GCLM: variants seen among roughly 807,000 people sequenced by gnomAD.
GCLM encodes glutamate--cysteine ligase regulatory subunit.
GCLM carries 15 observed loss-of-function variants against 36.0 expected under a neutral mutation model. The observed-to-expected ratio is 0.42, with a 90% CI of 0.28 to 0.64. The LOEUF is 0.64. GCLM is among the 30% of genes least tolerant of loss of function. The pLI is 0.25. For synonymous variants in GCLM, 129 were observed against 122.8 expected (o/e 1.05, Z -0.34); for missense variants, 242 against 325.5 (o/e 0.74, Z 1.97).
chr1:93,901,814 C>G, intron 2 of GCLM, 145 bp from the exon 3 acceptor site: 1 of 562,038 alleles, frequency 1.8e-6, no homozygotes, highest in Non-Finnish European at 3.1e-6. Context: ...GTGGGCTTCA[C>G]AAGGGTTGTA....
intron 6 of GCLM, among the ~76,000 whole-genome samples, chr1:93,894,131 G>A (rs1314947416): frequency 6.6e-6 from 1 of 151,834 alleles, no homozygotes. Context: ...GGTGGTATGC[G>A]CCTGTAGTCC....
intron 6 of GCLM, among the ~76,000 whole-genome samples, chr1:93,890,083 A>G (rs190665124): frequency 2.0e-5 from 3 of 151,680 alleles, no homozygotes; most frequent in Admixed American, 1.3e-4. Context: ...GGCTAATTTT[A>G]TATTTTAGTA....
chr1:93,885,279 T>G lies in GCLM; in HGVS notation c.*3711A>C, dbSNP rs1656265584. 1 of 152,198 alleles carries G rather than the reference T, an allele frequency of 6.6e-6. No individual in the cohort carries two copies. The highest frequency in any genetic ancestry group is 2.4e-5 in the African/African-American group (1 of 41,440). 9.4% of individuals were successfully genotyped at this position (152,198 alleles called of 1,614,324 possible). On this transcript the variant is annotated 3_prime_UTR_variant, in exon 7 of 7. Coordinates refer to ENST00000370238, the MANE Select transcript of GCLM (RefSeq NM_002061.4). ...AATAGTTCAAAAATCAATATAATGC[T>G]TCAGGATGCTTCCAGCTATTGAAAC...
At chr1:93,902,865 GT>G (rs17880826) in intron 2 of GCLM, among the ~76,000 whole-genome samples, 116,635 of 151,982 alleles carry the variant, frequency 0.77, 45,271 homozygotes, top group African/African-American at 0.87. Context: ...CTTTTTACTA[GT>G]TTTTTTTACT....
At chr1:93,902,749 A>G (rs1325973453) in intron 2 of GCLM, among the ~76,000 whole-genome samples, 1 of 152,192 alleles carries the variant, frequency 6.6e-6, no homozygotes, top group East Asian at 1.9e-4. Context: ...ATATAATAAC[A>G]TGTATCCACC....
intron 1 of GCLM, among the ~76,000 whole-genome samples, chr1:93,905,409 T>C (rs1293518585): frequency 1.3e-5 from 2 of 152,160 alleles, no homozygotes; most frequent in Admixed American, 6.5e-5. Context: ...CTAGACCCAC[T>C]GAATCATTCT....
rs1656755676 is a variant in GCLM, at chr1:93,896,912, C to T, written c.338-92G>A. 4.2e-6 allele frequency: 3 copies of T among 715,422 alleles called. No homozygotes were observed. In the South Asian group the frequency reaches 4.9e-5, roughly 12 times the overall value. 44.3% of individuals were successfully genotyped at this position (715,422 alleles called of 1,614,324 possible). Reference sequence around the variant, plus strand: ...TCAAAGTATCCCACTGAATTCTGTCCATATTCTTCACTTGTTTTCAAAATA... The same window carrying T: ...TCAAAGTATCCCACTGAATTCTGTCTATATTCTTCACTTGTTTTCAAAATA... On this transcript the variant is annotated intron_variant, in intron 4 of 6. Transcript: ENST00000370238.
chr1:93,890,126 T>G (rs1415555045), intron 6 of GCLM, among the ~76,000 whole-genome samples: 1 of 151,968 alleles, frequency 6.6e-6, no homozygotes, highest in Non-Finnish European at 1.5e-5. Context: ...GTCAGGCTGG[T>G]CTCGAACTCC....
At chr1:93,894,788 AAAGCAAT>A in intron 5 of GCLM, 60 bp from the exon 6 acceptor site, 4 of 799,482 alleles carry the variant, frequency 5.0e-6, no homozygotes, top group Non-Finnish European at 6.6e-6. Flanking sequence ...CCAAAAGTAG[AAAGCAAT>A]AAGCAATAAA....
intron 1 of GCLM, among the ~76,000 whole-genome samples, chr1:93,907,453 C>T (rs1279116761): frequency 6.6e-6 from 1 of 152,132 alleles, no homozygotes; most frequent in East Asian, 1.9e-4. Flanking sequence ...TTTGTGAAAC[C>T]TGTTTCAGAT....
chr1:93,889,644 T>C (rs1656461638), intron 6 of GCLM, among the ~76,000 whole-genome samples: 1 of 151,688 alleles, frequency 6.6e-6, no homozygotes, highest in Non-Finnish European at 1.5e-5. Flanking sequence ...TATATCTGTA[T>C]GTGTGTGTGT....
chr1:93,897,534 G>A (rs900392604), intron 4 of GCLM, among the ~76,000 whole-genome samples: 1 of 147,908 alleles, frequency 6.8e-6, no homozygotes, highest in South Asian at 2.1e-4. Context: ...TTTTTTTGCC[G>A]TTGTTTGGTT....
At chr1:93,893,705 T>C (rs1254229933) in intron 6 of GCLM, among the ~76,000 whole-genome samples, 8 of 152,234 alleles carry the variant, frequency 5.3e-5, no homozygotes, top group Admixed American at 4.6e-4. Flanking sequence ...TATACATTAC[T>C]TAATAATATA....
At chr1:93,889,411 C>T (rs1160163465) in intron 6 of GCLM, among the ~76,000 whole-genome samples, 2 of 152,024 alleles carry the variant, frequency 1.3e-5, no homozygotes, top group African/African-American at 2.4e-5. Context: ...GGAGCCTAGA[C>T]ATCTGCAGTT....
At position 93,896,631 on chromosome 1, in the gene GCLM, T is replaced by C. The variant is rs2100913925; in HGVS notation, c.527A>G (p.Tyr176Cys). 6.2e-7 allele frequency: 1 copy of C among 1,613,082 alleles called. No homozygotes were observed. Among genetic ancestry groups the C allele is most frequent in the Non-Finnish European group, 8.5e-7 (1 of 1,178,994 alleles). ...GCCATCCCTCACCTGTGCCCACTGA[T>C]ACAGCTGTTCCAACTGTGTTTTGTC... The part of the protein sequence containing the change: ...DLDKTQLEQL[Y>C]QWAQVKPNSN... Residue 176 changes from tyrosine (Y) to cysteine (C), a missense_variant, in exon 5 of 7, where the codon TAT becomes TGT. Physicochemically the swap from Tyr to Cys is radical, Grantham distance 194 (BLOSUM62 -2). Coordinates refer to ENST00000370238, the MANE Select transcript of GCLM (RefSeq NM_002061.4).
At chr1:93,905,460 G>A (rs17878538) in intron 1 of GCLM, among the ~76,000 whole-genome samples, 4,962 of 152,160 alleles carry the variant, frequency 0.033, 285 homozygotes, top group African/African-American at 0.11. Flanking sequence ...AGCATCCTAA[G>A]GAGAGTACTT....
Position 93,894,684 on chromosome 1 carries a change from C to A in GCLM, c.585G>T (p.Val195=). Reference sequence around the variant, plus strand: ...CAAATGCAGTCAAATCTGGTGGCATCACACAGCAGGAGGCAAGATTAACTT... The same window carrying A: ...CAAATGCAGTCAAATCTGGTGGCATAACACAGCAGGAGGCAAGATTAACTT... ...SNQVNLASCC[V]MPPDLTAFAK... The change falls in exon 6 of 7, where the codon GTG becomes GTT. Residue 195 remains valine (V), a synonymous_variant. Transcript: ENST00000370238. 6.2e-7 allele frequency: 1 copy of A among 1,611,950 alleles called. No individual in the cohort carries two copies. Among genetic ancestry groups the A allele is most frequent in the Non-Finnish European group, 8.5e-7 (1 of 1,178,214 alleles).
At position 93,901,571 on chromosome 1, in the gene GCLM, A is replaced by C; in HGVS notation, c.277+14T>G. Reference sequence around the variant, plus strand: ...CGCTATGTAACAAAATAAACAGAAAAGACTGGACTTTACCAGAAACTTTCA... The same window carrying C: ...CGCTATGTAACAAAATAAACAGAAACGACTGGACTTTACCAGAAACTTTCA... On this transcript the variant is annotated intron_variant, in intron 3 of 6. Transcript: ENST00000370238. The C allele has an allele frequency of 2.2e-6, 3 of 1,364,156 alleles. No homozygotes were observed. The highest frequency in any genetic ancestry group is 3.1e-6 in the Non-Finnish European group (3 of 957,462). 84.5% of individuals were successfully genotyped at this position (1,364,156 alleles called of 1,614,324 possible).
At position 93,887,853 on chromosome 1, in the gene GCLM, A is replaced by G. The variant is rs1201762349; in HGVS notation, c.*1137T>C. The G allele has an allele frequency of 1.3e-5, 2 of 152,220 alleles. No homozygotes were observed. Among genetic ancestry groups the G allele is most frequent in the African/African-American group, 4.8e-5 (2 of 41,462 alleles). The allele number at this position is 152,220 out of a possible 1,614,324, so 9.4% of individuals were successfully genotyped here. A position where few individuals can be genotyped will look rare whatever the true frequency, so the allele number is the denominator to read the frequency against. On this transcript the variant is annotated 3_prime_UTR_variant, in exon 7 of 7. Transcript: ENST00000370238. The stretch of plus-strand genomic sequence containing the variant: ...AGAATTAAGGAGATTTATAGTGTAC[A>G]TCAAAGTTCATAGCTTATTTATTTG...
Sources: allele counts gnomAD v4.1 joint callset (sites outside exome capture counted in the v4.1 genomes callset), GRCh38; gene constraint gnomAD v4.1.1; transcripts MANE v1.5; gene names NCBI Gene and HGNC (gene_info 2026-07-23, HGNC 2026-07-21).